ST6GALNAC5: variants seen among roughly 807,000 people sequenced by gnomAD.
ST6GALNAC5 encodes alpha-N-acetylgalactosaminide alpha-2,6-sialyltransferase 5.
A neutral mutation model predicts 33.6 loss-of-function variants in ST6GALNAC5; 27 were observed. That is an observed-to-expected ratio of 0.80 (90% CI 0.59 to 1.11). The LOEUF is 1.11. Among genes scored for constraint, ST6GALNAC5 ranks in the 50% least tolerant of loss-of-function variants. The pLI is 0.00. For synonymous variants in ST6GALNAC5, 194 were observed against 171.2 expected, an observed-to-expected ratio of 1.13 and a Z score of -1.04; for missense variants, 428 against 454.0, an observed-to-expected ratio of 0.94 and a Z score of 0.52.
chr1:77,052,523 A>G (rs1418529710), intron 4 of ST6GALNAC5, among the ~76,000 whole-genome samples: 1 of 152,180 alleles, frequency 6.6e-6, no homozygotes, highest in Non-Finnish European at 1.5e-5. Flanking sequence ...CCTAGCACAC[A>G]GTATTCAGGA....
chr1:76,965,519 A>C (rs985205960), intron 2 of ST6GALNAC5, among the ~76,000 whole-genome samples: 2 of 152,184 alleles, frequency 1.3e-5, no homozygotes, highest in Admixed American at 6.5e-5. Flanking sequence ...CCTTTATCAG[A>C]TGGGTAGATT....
intron 3 of ST6GALNAC5, among the ~76,000 whole-genome samples, chr1:77,049,621 G>C (rs888299530): frequency 2.0e-5 from 3 of 152,114 alleles, no homozygotes; most frequent in African/African-American, 7.2e-5. Context: ...AAAATTTTCT[G>C]ATATGTAAAA....
intron 2 of ST6GALNAC5, among the ~76,000 whole-genome samples, chr1:77,002,338 C>T (rs972239063): frequency 6.6e-6 from 1 of 152,088 alleles, no homozygotes; most frequent in South Asian, 2.1e-4. Flanking sequence ...GTGGTGGTAT[C>T]CCCTTTATCA....
intron 2 of ST6GALNAC5, among the ~76,000 whole-genome samples, chr1:76,978,118 A>G (rs561733348): frequency 8.2e-4 from 125 of 152,216 alleles, no homozygotes; most frequent in African/African-American, 3.0e-3. Context: ...GACTATTTGT[A>G]TGTATTCTTT....
At chr1:76,907,171 A>T (rs1251793028) in intron 2 of ST6GALNAC5, among the ~76,000 whole-genome samples, 1 of 152,108 alleles carries the variant, frequency 6.6e-6, no homozygotes, top group Non-Finnish European at 1.5e-5. Context: ...TCACCACGAG[A>T]GGGATCCAAG....
At chr1:76,890,017 T>A (rs895313586) in intron 2 of ST6GALNAC5, among the ~76,000 whole-genome samples, 6 of 152,186 alleles carry the variant, frequency 3.9e-5, no homozygotes, top group African/African-American at 1.4e-4. Flanking sequence ...GTTTGTGTTC[T>A]TGCAGATGTG....
intron 2 of ST6GALNAC5, among the ~76,000 whole-genome samples, chr1:76,922,709 G>T (rs1251506481): frequency 1.3e-5 from 2 of 152,014 alleles, no homozygotes; most frequent in African/African-American, 2.4e-5. Flanking sequence ...TTTGACAATG[G>T]TGCAAAAGCT....
rs796374936 is a variant in ST6GALNAC5 at position 77,064,771 on chromosome 1, C to T, written c.*1565C>T. ...GTTTCTCTAATGCCAAATTTGAAGG[C>T]ACCAGCAAATATTATGTATGAAGAC... On this transcript the variant is annotated 3_prime_UTR_variant, in exon 5 of 5. Transcript: ENST00000477717. The T allele has an allele frequency of 3.3e-4, 50 of 152,216 alleles. No homozygotes were observed. The highest frequency in any genetic ancestry group is 1.2e-3 in the African/African-American group (50 of 41,544). 9.4% of individuals were successfully genotyped at this position (152,216 alleles called of 1,614,324 possible).
At chr1:76,898,132 A>G (rs1251418169) in intron 2 of ST6GALNAC5, among the ~76,000 whole-genome samples, 1 of 152,198 alleles carries the variant, frequency 6.6e-6, no homozygotes, top group Non-Finnish European at 1.5e-5. Context: ...TGAGTTGAAC[A>G]GTCTGATTTT....
intron 2 of ST6GALNAC5, among the ~76,000 whole-genome samples, chr1:76,909,978 A>G (rs1646895564): frequency 6.6e-6 from 1 of 152,058 alleles, no homozygotes; most frequent in South Asian, 2.1e-4. Context: ...AAGGTTCTGT[A>G]GTCATAATAT....
chr1:77,004,341 A>G (rs1373655079), intron 2 of ST6GALNAC5, among the ~76,000 whole-genome samples: 2 of 148,674 alleles, frequency 1.3e-5, no homozygotes, highest in African/African-American at 4.9e-5. Context: ...TTTCAGCTCC[A>G]TCAGCTCCTT....
chr1:76,973,684 G>A (rs547899806), intron 2 of ST6GALNAC5, among the ~76,000 whole-genome samples: 1 of 151,936 alleles, frequency 6.6e-6, no homozygotes, highest in Non-Finnish European at 1.5e-5. Flanking sequence ...CCACTCCAAA[G>A]TTATAAAAAA....
intron 2 of ST6GALNAC5, among the ~76,000 whole-genome samples, chr1:77,009,482 A>G (rs1310346029): frequency 6.6e-6 from 1 of 152,050 alleles, no homozygotes; most frequent in Non-Finnish European, 1.5e-5. Context: ...TGTTGGGGAG[A>G]GCACAGAGAT....
chr1:76,941,079 G>T (rs1570692151), intron 2 of ST6GALNAC5, among the ~76,000 whole-genome samples: 1 of 151,998 alleles, frequency 6.6e-6, no homozygotes, highest in Non-Finnish European at 1.5e-5. Flanking sequence ...TTGGAGACAA[G>T]GCTTGGAGAC....
chr1:77,062,017 C>G (rs1488952203), intron 4 of ST6GALNAC5, among the ~76,000 whole-genome samples: 1 of 152,176 alleles, frequency 6.6e-6, no homozygotes. Flanking sequence ...CTTCCTTTTT[C>G]TCCCATAGGA....
chr1:76,916,394 T>A (rs952493732), intron 2 of ST6GALNAC5, among the ~76,000 whole-genome samples: 12 of 152,344 alleles, frequency 7.9e-5, no homozygotes, highest in African/African-American at 2.6e-4. Flanking sequence ...AGGAAAAAAA[T>A]TCTGTATGCC....
chr1:76,965,842 C>T (rs1648448607), intron 2 of ST6GALNAC5, among the ~76,000 whole-genome samples: 1 of 152,200 alleles, frequency 6.6e-6, no homozygotes, highest in Admixed American at 6.5e-5. Context: ...CTAGTTTTCC[C>T]AGCACCATTT....
At chr1:76,931,218 C>A (rs896689471) in intron 2 of ST6GALNAC5, among the ~76,000 whole-genome samples, 3 of 152,106 alleles carry the variant, frequency 2.0e-5, no homozygotes, top group African/African-American at 7.2e-5. Context: ...GTTCTCCCAA[C>A]AACTGGATTA....
intron 2 of ST6GALNAC5, among the ~76,000 whole-genome samples, chr1:76,915,909 G>GATA (rs59803213): frequency 1.3e-5 from 2 of 149,450 alleles, no homozygotes; most frequent in African/African-American, 4.9e-5. Context: ...AACTTCCTTG[G>GATA]ATAATAATAA....
Sources: gnomAD v4.1 joint callset for allele counts (sites outside exome capture counted in the v4.1 genomes callset) on GRCh38, gnomAD v4.1.1 for gene constraint, MANE v1.5 for transcripts, NCBI Gene and HGNC (gene_info 2026-07-23, HGNC 2026-07-21) for gene names.